The following REXO1 variants were observed in gnomAD, a reference collection of about 807,000 sequenced individuals.
REXO1 encodes RNA exonuclease 1 homolog.
A neutral mutation model predicts 102.6 loss-of-function variants in REXO1; 42 were observed. The observed-to-expected ratio is 0.41, with a 90% CI of 0.32 to 0.53. REXO1 has a LOEUF of 0.53. Ranked by LOEUF, REXO1 falls within the 20% of genes least tolerant of loss-of-function variation. The pLI is 0.27. For missense variants in REXO1, 1,819 were observed against 1,732.5 expected, an observed-to-expected ratio of 1.05 and a Z score of -0.89; for synonymous variants, 908 against 779.1, an observed-to-expected ratio of 1.17 and a Z score of -2.76.
In REXO1 at chr19:1,826,604, T is replaced by G. The variant is rs1330551721; in HGVS notation, c.1911+274A>C. Among the ~76,000 whole-genome samples the G allele has an allele frequency of 6.6e-6, 1 of 151,722 alleles. No individual in the cohort carries two copies. Among genetic ancestry groups the G allele is most frequent in the East Asian group, 1.9e-4 (1 of 5,132 alleles). On this transcript the variant is annotated intron_variant, in intron 2 of 15. Transcript: ENST00000170168. This position sits in a 1 kb window ranked among gnomAD's most constrained non-coding sequence, Gnocchi z 4.3. ...GGGTGGGCCAATATCCCCCTGCCAGTCAGTGGGAACAGACCGTGTGCACGT... is the reference window on the plus strand; with the variant it reads ...GGGTGGGCCAATATCCCCCTGCCAGGCAGTGGGAACAGACCGTGTGCACGT...
intron 1 of REXO1, among the ~76,000 whole-genome samples, chr19:1,843,088 G>A (rs2011365435): frequency 6.6e-6 from 1 of 152,190 alleles, no homozygotes; most frequent in South Asian, 2.1e-4. Flanking sequence ...TGTGGTAGGA[G>A]TGTGGGGGAG....
Position 1,819,949 on chromosome 19 carries a change from C to T in REXO1, c.2635G>A (p.Val879Met), listed in dbSNP as rs1268991748. ...KKLRGLAPSAVPGLSKTSGRR... is the reference protein window; with the variant it reads ...KKLRGLAPSAMPGLSKTSGRR... ...CAGGACTCACTGCTGAGGCCGGGCA[C>T]AGCGCTGGGGGCCAGGCCCCTGAGC... Residue 879 changes from valine to methionine, a missense_variant, in exon 7 of 16, where the codon GTG (valine) becomes ATG (methionine). Transcript: ENST00000170168. 6.3e-7 allele frequency: 1 copy of T among 1,583,860 alleles called. No individual in the cohort carries two copies. The highest frequency in any genetic ancestry group is 8.6e-7 in the Non-Finnish European group (1 of 1,168,046).
rs576043057 is a variant in REXO1, at chr19:1,828,310, C to T, written c.479G>A (p.Ser160Asn). ...DYSPGSHGLLSPDAGYQPTPL... is the reference protein window; with the variant it reads ...DYSPGSHGLLNPDAGYQPTPL... ...GGTGGGCTGGTAGCCGGCATCAGGG[C>T]TTAATAGGCCGTGGCTGCCGGGGCT... The change falls in exon 2 of 16, where the codon AGC becomes AAC. Residue 160 changes from serine (S) to asparagine (N), a missense_variant. Transcript: ENST00000170168. 2 of 1,609,692 alleles carry T rather than the reference C, an allele frequency of 1.2e-6. No homozygotes were observed. Among genetic ancestry groups the T allele is most frequent in the Non-Finnish European group, 1.7e-6 (2 of 1,178,360 alleles).
chr19:1,816,577 A>G lies in REXO1; in HGVS notation c.3318-8T>C, dbSNP rs1206412802. On this transcript the variant is annotated splice_region_variant and splice_polypyrimidine_tract_variant and intron_variant, in intron 13 of 15. Coordinates refer to ENST00000170168, the MANE Select transcript of REXO1 (RefSeq NM_020695.4). ...TCCGTCACCCCCGAAAACCTGGGGG[A>G]ACGGGCAGGAGGGGCACCAGGGCTC... 3.2e-6 allele frequency: 5 copies of G among 1,571,120 alleles called. No individual in the cohort carries two copies. The highest frequency in any genetic ancestry group is 4.3e-6 in the Non-Finnish European group (5 of 1,154,432).
intron 1 of REXO1, among the ~76,000 whole-genome samples, chr19:1,840,809 T>C (rs955051261): frequency 2.6e-5 from 4 of 152,102 alleles, no homozygotes; most frequent in African/African-American, 9.7e-5. Flanking sequence ...TGAGTCTAGA[T>C]GGACCCAGAC....
intron 7 of REXO1, 71 bp from the exon 8 acceptor site, chr19:1,819,202 C>A: frequency 8.5e-7 from 1 of 1,174,940 alleles, no homozygotes; most frequent in South Asian, 1.5e-5. Flanking sequence ...CCTGCTCTCC[C>A]ACCCACCCTG....
At chr19:1,822,095 G>A (rs1346238830) in intron 4 of REXO1, 7 of 427,340 alleles carry the variant, frequency 1.6e-5, no homozygotes, top group Non-Finnish European at 2.0e-5. Context: ...CTTTGATGAA[G>A]TCACAAACCA....
intron 12 of REXO1, 21 bp downstream of exon 12, chr19:1,817,198 C>T: frequency 6.2e-7 from 1 of 1,610,530 alleles, no homozygotes. Flanking sequence ...GAACCCGACG[C>T]TGGGCAGAGA....
At chr19:1,828,702 G>A in intron 1 of REXO1, 71 bp from the exon 2 acceptor site, 1 of 1,476,954 alleles carries the variant, frequency 6.8e-7, no homozygotes, top group Non-Finnish European at 9.0e-7. Context: ...GGCGGCCCCG[G>A]TCTCAAACTG....
chr19:1,819,180 AC>A (rs1568682784), intron 7 of REXO1, 49 bp from the exon 8 acceptor site: 3 of 1,394,890 alleles, frequency 2.2e-6, no homozygotes, highest in East Asian at 2.4e-5. Context: ...GCTGGCTCAG[AC>A]CCCTGCCCCG....
Position 1,821,603 on chromosome 19 carries a change from C to T in REXO1, c.2310G>A (p.Leu770=). ...SNGPEPGGQQ[L]KTRTLSGMAS... ...CCATCCCCGACAATGTGCGTGTTTT[C>T]AGCTGCTGGCCACCTGGCTCAGGGC... Residue 770 remains leucine (L), a synonymous_variant, in exon 5 of 16, where the codon CTG becomes CTA. Coordinates refer to ENST00000170168, the MANE Select transcript of REXO1 (RefSeq NM_020695.4). The T allele has an allele frequency of 6.2e-7, 1 of 1,613,850 alleles. No homozygotes were observed. The highest frequency in any genetic ancestry group is 8.5e-7 in the Non-Finnish European group (1 of 1,179,906).
chr19:1,815,447 C>T lies in REXO1; in HGVS notation c.*619G>A, dbSNP rs529043399. 26 of 177,278 alleles carry T rather than the reference C, an allele frequency of 1.5e-4. No homozygotes were observed. The highest frequency in any genetic ancestry group is 7.3e-4 in the Admixed American group (13 of 17,902). 11.0% of individuals were successfully genotyped at this position (177,278 alleles called of 1,614,324 possible). A position where few individuals can be genotyped will look rare whatever the true frequency, so the allele number is the denominator to read the frequency against. Reference sequence around the variant, plus strand: ...GTCACGGAGTGCAGGGGTGGGGCGGCGAGTGGTGGAAGCCGGCGCCCCCGA... The same window carrying T: ...GTCACGGAGTGCAGGGGTGGGGCGGTGAGTGGTGGAAGCCGGCGCCCCCGA... On this transcript the variant is annotated 3_prime_UTR_variant, in exon 16 of 16. Transcript: ENST00000170168. This position sits in a 1 kb window ranked among gnomAD's most constrained non-coding sequence, Gnocchi z 4.0.
At chr19:1,842,704 A>G (rs1435867934) in intron 1 of REXO1, among the ~76,000 whole-genome samples, 1 of 152,240 alleles carries the variant, frequency 6.6e-6, no homozygotes, top group Non-Finnish European at 1.5e-5. Context: ...GCTCAAGCAC[A>G]GCAAGCCCGG....
At position 1,827,708 on chromosome 19, in the gene REXO1, G is replaced by A. The variant is rs1568698288; in HGVS notation, c.1081C>T (p.Gln361Ter). 1.3e-6 allele frequency: 2 copies of A among 1,571,252 alleles called. No homozygotes were observed. Among genetic ancestry groups the A allele is most frequent in the South Asian group, 1.2e-5 (1 of 86,896 alleles). The change falls in exon 2 of 16, where the codon CAG becomes TAG. Residue 361 changes from glutamine to a stop codon, truncating the protein, a stop_gained. Coordinates refer to ENST00000170168, the MANE Select transcript of REXO1 (RefSeq NM_020695.4). LOFTEE classifies it high-confidence loss of function. ...CCCCCATCCTGTGAGGACTGGACCTGGGCTGGGGAGGCGGGCTTGGCTGGG... is the reference window on the plus strand; with the variant it reads ...CCCCCATCCTGTGAGGACTGGACCTAGGCTGGGGAGGCGGGCTTGGCTGGG... The part of the protein sequence containing the change: ...PPPAKPASPA[Q>*]VQSSQDGGCP...
intron 4 of REXO1, chr19:1,822,526 C>T (rs2145253645): frequency 6.6e-6 from 1 of 152,492 alleles, no homozygotes; most frequent in Non-Finnish European, 1.5e-5. Flanking sequence ...ACTGCCAGCA[C>T]TTGGGACGCC....
At chr19:1,842,270 C>A (rs1164380390) in intron 1 of REXO1, among the ~76,000 whole-genome samples, 1 of 151,774 alleles carries the variant, frequency 6.6e-6, no homozygotes. Flanking sequence ...GCAGGCGGGG[C>A]CGCCAGACCG....
At chr19:1,840,223 G>A (rs2011221322) in intron 1 of REXO1, among the ~76,000 whole-genome samples, 1 of 152,208 alleles carries the variant, frequency 6.6e-6, no homozygotes, top group Non-Finnish European at 1.5e-5. Flanking sequence ...AGCGTCGACG[G>A]AGCTGGCCCA....
At position 1,827,045 on chromosome 19, in the gene REXO1, A is replaced by C. The variant is rs1404706771; in HGVS notation, c.1744T>G (p.Ser582Ala). Residue 582 changes from serine to alanine, a missense_variant, in exon 2 of 16, where the codon TCC becomes GCC. Ser to Ala is a moderately conservative substitution (Grantham distance 99). Coordinates refer to ENST00000170168, the MANE Select transcript of REXO1 (RefSeq NM_020695.4). ...ASPPPSPAPS[S>A]SSSSSSSTSS... ...GTGGAGGAGGAGGAGGAGGAGGAGG[A>C]GGATGGGGCGGGGGAGGGGGGCGGG... 1 of 784,212 alleles carries C rather than the reference A, an allele frequency of 1.3e-6. No individual in the cohort carries two copies. Among genetic ancestry groups the C allele is most frequent in the African/African-American group, 1.9e-5 (1 of 53,534 alleles). The allele number at this position is 784,212 out of a possible 1,614,324, so 48.6% of individuals were successfully genotyped here.
chr19:1,831,276 G>T (rs1297704802), intron 1 of REXO1, among the ~76,000 whole-genome samples: 1 of 152,238 alleles, frequency 6.6e-6, no homozygotes, highest in Non-Finnish European at 1.5e-5. Context: ...ACTTGGCTCT[G>T]ACTTGATTCT....
Sources: gnomAD v4.1 joint callset for allele counts (sites outside exome capture counted in the v4.1 genomes callset) on GRCh38, gnomAD v4.1.1 for gene constraint, Gnocchi (gnomAD v3.1) non-coding constraint, MANE v1.5 for transcripts, NCBI Gene and HGNC (gene_info 2026-07-23, HGNC 2026-07-21) for gene names.